Variants in KHDRBS2 observed in about 807,000 individuals in gnomAD.
KHDRBS2 encodes KH RNA binding domain containing, signal transduction associated 2.
KHDRBS2 carries 26 observed loss-of-function variants against 44.3 expected under a neutral mutation model. That is an observed-to-expected ratio of 0.59 (90% CI 0.43 to 0.81). The LOEUF is 0.81. Ranked by LOEUF, KHDRBS2 falls within the 40% of genes least tolerant of loss-of-function variation. The pLI, the probability that KHDRBS2 is intolerant of heterozygous loss-of-function variation, is 0.00. For synonymous variants in KHDRBS2, 194 were observed against 151.1 expected, an observed-to-expected ratio of 1.28 and a Z score of -2.08; for missense variants, 476 against 433.1, an observed-to-expected ratio of 1.10 and a Z score of -0.88.
intron 2 of KHDRBS2, among the ~76,000 whole-genome samples, chr6:62,162,299 G>A (rs1277174446): frequency 1.3e-5 from 2 of 152,066 alleles, no homozygotes; most frequent in African/African-American, 2.4e-5. Flanking sequence ...GAGCTGTTGT[G>A]TGTGTGGGAA....
chr6:62,281,849 C>G (rs560596047), intron 1 of KHDRBS2, among the ~76,000 whole-genome samples: 1 of 152,230 alleles, frequency 6.6e-6, no homozygotes, highest in Admixed American at 6.5e-5. Context: ...TCAATAATCA[C>G]TCCCAAGTGT....
chr6:61,565,791 A>C, the KHDRBS2 span, among the ~76,000 whole-genome samples: 1 of 152,136 alleles, frequency 6.6e-6, no homozygotes, highest in African/African-American at 2.4e-5. Context: ...GATTCAAAGA[A>C]AACAGTATGA....
chr6:62,084,402 C>T (rs928112662), intron 2 of KHDRBS2, among the ~76,000 whole-genome samples: 1 of 151,994 alleles, frequency 6.6e-6, no homozygotes, highest in Admixed American at 6.6e-5. Flanking sequence ...AGATATTTTC[C>T]CCATTTCTGA....
chr6:61,777,663 T>C (rs1205340631), intron 6 of KHDRBS2, among the ~76,000 whole-genome samples: 6 of 152,274 alleles, frequency 3.9e-5, no homozygotes, highest in South Asian at 4.1e-4. Flanking sequence ...CATTAGTACA[T>C]TGATGCTCTC....
At chr6:61,619,431 C>T in the KHDRBS2 span, among the ~76,000 whole-genome samples, 3 of 117,054 alleles carry the variant, frequency 2.6e-5, no homozygotes, top group South Asian at 6.3e-4. Flanking sequence ...CTGGAAAATA[C>T]ATTATTTTTG....
chr6:61,873,131 TA>T (rs1307792321), intron 6 of KHDRBS2, among the ~76,000 whole-genome samples: 1 of 152,028 alleles, frequency 6.6e-6, no homozygotes, highest in Non-Finnish European at 1.5e-5. Context: ...ACATAAGACA[TA>T]AAAATCATGG....
At chr6:62,103,409 C>T (rs942973374) in intron 2 of KHDRBS2, among the ~76,000 whole-genome samples, 2 of 152,248 alleles carry the variant, frequency 1.3e-5, no homozygotes, top group Non-Finnish European at 2.9e-5. Flanking sequence ...CTGTCCCCAG[C>T]ATGCACACTG....
intron 2 of KHDRBS2, among the ~76,000 whole-genome samples, chr6:62,158,380 G>C (rs368420666): frequency 3.0e-4 from 46 of 152,140 alleles, no homozygotes; most frequent in African/African-American, 1.1e-3. Flanking sequence ...CTCATGGTAT[G>C]TCATTATATT....
At chr6:62,233,391 T>C (rs928529953) in intron 1 of KHDRBS2, among the ~76,000 whole-genome samples, 2 of 152,186 alleles carry the variant, frequency 1.3e-5, no homozygotes, top group African/African-American at 4.8e-5. Context: ...TAACTTCTCA[T>C]GTCTAACCAA....
the KHDRBS2 span, among the ~76,000 whole-genome samples, chr6:61,645,463 TA>T: frequency 7.2e-4 from 98 of 137,022 alleles, no homozygotes; most frequent in African/African-American, 1.3e-3. Context: ...CACTTGAACC[TA>T]AAAAAAAAAA....
At chr6:61,560,694 T>A in the KHDRBS2 span, among the ~76,000 whole-genome samples, 1 of 152,200 alleles carries the variant, frequency 6.6e-6, no homozygotes, top group Admixed American at 6.6e-5. Context: ...TACATTTCTC[T>A]GATAGAATTC....
intron 4 of KHDRBS2, among the ~76,000 whole-genome samples, chr6:61,931,790 C>T (rs1169941988): frequency 6.6e-6 from 1 of 151,932 alleles, no homozygotes; most frequent in Non-Finnish European, 1.5e-5. Flanking sequence ...GTCTGCCTAT[C>T]CTGCCTCCTC....
chr6:61,679,270 A>C (rs558471531), downstream of KHDRBS2, among the ~76,000 whole-genome samples: 4 of 152,012 alleles, frequency 2.6e-5, no homozygotes, highest in South Asian at 8.3e-4. Context: ...AGTTAGCAAG[A>C]GTTGCATTAC....
intron 2 of KHDRBS2, among the ~76,000 whole-genome samples, chr6:62,097,731 C>T (rs540919348): frequency 6.6e-6 from 1 of 152,176 alleles, no homozygotes; most frequent in Admixed American, 6.5e-5. Context: ...GTAATTACTG[C>T]TAAGTAAGGC....
the KHDRBS2 span, among the ~76,000 whole-genome samples, chr6:61,603,946 C>T: frequency 2.0e-5 from 3 of 152,164 alleles, no homozygotes; most frequent in African/African-American, 4.8e-5. Flanking sequence ...GGCGGTTCCA[C>T]CACGCCTAAT....
At chr6:62,168,907 A>G (rs1007909453) in intron 2 of KHDRBS2, among the ~76,000 whole-genome samples, 4 of 151,618 alleles carry the variant, frequency 2.6e-5, no homozygotes, top group African/African-American at 9.7e-5. Context: ...TTGTATTATG[A>G]TGCTGACTGT....
intron 7 of KHDRBS2, among the ~76,000 whole-genome samples, chr6:61,732,145 A>C (rs1774559179): frequency 6.6e-6 from 1 of 152,066 alleles, no homozygotes; most frequent in Non-Finnish European, 1.5e-5. Context: ...ATCTCAATAA[A>C]TCTGACTTTG....
chr6:62,178,201 A>T (rs1357317269), intron 1 of KHDRBS2, among the ~76,000 whole-genome samples: 1 of 151,534 alleles, frequency 6.6e-6, no homozygotes, highest in African/African-American at 2.4e-5. Flanking sequence ...TTGAAGGGTG[A>T]TATTTGATCA....
chr6:61,942,049 C>G (rs1478441737), intron 4 of KHDRBS2, among the ~76,000 whole-genome samples: 1 of 152,012 alleles, frequency 6.6e-6, no homozygotes, highest in Non-Finnish European at 1.5e-5. Flanking sequence ...TTGCCTTGAA[C>G]TCCTGGGCTC....
Sources: gnomAD v4.1 joint callset for allele counts (sites outside exome capture counted in the v4.1 genomes callset) on GRCh38, gnomAD v4.1.1 for gene constraint, MANE v1.5 for transcripts, NCBI Gene and HGNC (gene_info 2026-07-23, HGNC 2026-07-21) for gene names.